The following RAPGEF6 variants were observed in gnomAD, a reference collection of about 807,000 sequenced individuals.
RAPGEF6 encodes Rap guanine nucleotide exchange factor 6.
A neutral mutation model predicts 171.4 loss-of-function variants in RAPGEF6; 56 were observed. That is an observed-to-expected ratio of 0.33 (90% CI 0.26 to 0.41). The LOEUF (loss-of-function observed/expected upper bound fraction) is 0.41, where lower values mean the gene tolerates loss of function less well. Among genes scored for constraint, RAPGEF6 ranks in the 10% least tolerant of loss-of-function variants. The pLI is 1.00. For missense variants in RAPGEF6, 1,674 were observed against 1,921.4 expected, an observed-to-expected ratio of 0.87 and a Z score of 2.41; for synonymous variants, 692 against 650.1, an observed-to-expected ratio of 1.06 and a Z score of -0.98.
chr5:131,492,571 TA>T lies in RAPGEF6; in HGVS notation c.1731+10del, dbSNP rs1044322144. The T allele has an allele frequency of 6.2e-7, 1 of 1,613,446 alleles. No homozygotes were observed. Among genetic ancestry groups the T allele is most frequent in the African/African-American group, 1.3e-5 (1 of 74,914 alleles). On this transcript the variant is annotated intron_variant, in intron 14 of 27. Transcript: ENST00000509018. ...GAAGGCTTGAATATAAGTGGTTGGT[TA>T]TTTCCTTACCTGATCACCACGTTTC...
intron 3 of RAPGEF6, among the ~76,000 whole-genome samples, chr5:131,593,088 T>C (rs976454315): frequency 1.3e-5 from 2 of 152,198 alleles, no homozygotes; most frequent in Admixed American, 6.5e-5. Flanking sequence ...ACAGAGTCAC[T>C]AGTAAACAGA....
At chr5:131,610,875 A>C (rs1318539135) in intron 1 of RAPGEF6, among the ~76,000 whole-genome samples, 1 of 152,198 alleles carries the variant, frequency 6.6e-6, no homozygotes, top group Non-Finnish European at 1.5e-5. Context: ...GTGGCCTTGA[A>C]AATATGCCTC....
chr5:131,547,512 T>A (rs76390079), intron 6 of RAPGEF6, among the ~76,000 whole-genome samples: 1 of 151,034 alleles, frequency 6.6e-6, no homozygotes, highest in Non-Finnish European at 1.5e-5. Context: ...AGCTTACTTT[T>A]TTTTTTTTTT....
intron 4 of RAPGEF6, among the ~76,000 whole-genome samples, chr5:131,589,331 T>C (rs989493935): frequency 1.3e-5 from 2 of 152,192 alleles, no homozygotes; most frequent in Admixed American, 6.5e-5. Flanking sequence ...GTATAAGATA[T>C]TGAAGGTAAA....
At position 131,429,012 on chromosome 5, in the gene RAPGEF6, T is replaced by C. The variant is rs147369850; in HGVS notation, c.4670A>G (p.Asn1557Ser). 170 of 1,614,058 alleles carry C rather than the reference T, an allele frequency of 1.1e-4. No individual in the cohort carries two copies. The highest frequency in any genetic ancestry group is 1.4e-4 in the Non-Finnish European group (161 of 1,180,024). Reference protein sequence around the residue: ...SRLPPASLSSNLVACVPSKIV... With the variant: ...SRLPPASLSSSLVACVPSKIV... ...CTTCGATGGAACACAGGCCACGAGGTTGCTACTGAGAGAAGCTGGTGGCAG... is the reference window on the plus strand; with the variant it reads ...CTTCGATGGAACACAGGCCACGAGGCTGCTACTGAGAGAAGCTGGTGGCAG... Residue 1557 changes from asparagine (N) to serine (S), a missense_variant, in exon 27 of 28, where the codon AAC (asparagine) becomes AGC (serine). Asn to Ser is a conservative substitution (Grantham distance 46). This residue lies in a region of RAPGEF6 where 552 missense variants were observed against 574.2 expected (regional missense o/e 0.96). Coordinates refer to ENST00000509018, the MANE Select transcript of RAPGEF6 (RefSeq NM_016340.6).
At chr5:131,514,541 T>TA (rs2149899701) in intron 7 of RAPGEF6, among the ~76,000 whole-genome samples, 1 of 152,204 alleles carries the variant, frequency 6.6e-6, no homozygotes, top group South Asian at 2.1e-4. Context: ...TCGATAATGA[T>TA]AGAGATAATG....
chr5:131,620,252 G>A (rs1323344728), intron 1 of RAPGEF6, among the ~76,000 whole-genome samples: 1 of 152,060 alleles, frequency 6.6e-6, no homozygotes, highest in Non-Finnish European at 1.5e-5. Context: ...CTACTGTTAG[G>A]AATACCTTCC....
At position 131,433,495 on chromosome 5, in the gene RAPGEF6, G is replaced by A. The variant is rs1450994869; in HGVS notation, c.3909C>T (p.Ser1303=). 2.5e-6 allele frequency: 4 copies of A among 1,613,922 alleles called. No individual in the cohort carries two copies. The highest frequency in any genetic ancestry group is 1.3e-5 in the African/African-American group (1 of 75,002). ...GCTCTGTCTTTTCCAATGCCCCAGT[G>A]GATTCAGGGACTGCCAGGGCCTGAG... is the stretch of plus-strand genomic sequence containing the variant. The part of the protein sequence containing the change: ...CSSQALAVPE[S]TGALEKTEHA... Residue 1303 remains serine (S), a synonymous_variant, in exon 25 of 28, where the codon TCC becomes TCT. Coordinates refer to ENST00000509018, the MANE Select transcript of RAPGEF6 (RefSeq NM_016340.6).
intron 3 of RAPGEF6, among the ~76,000 whole-genome samples, chr5:131,598,428 G>C (rs1764030650): frequency 6.6e-6 from 1 of 152,130 alleles, no homozygotes; most frequent in Non-Finnish European, 1.5e-5. Flanking sequence ...ATCGATGAAA[G>C]ATATCAAATC....
chr5:131,580,753 T>G (rs187538882), intron 4 of RAPGEF6, among the ~76,000 whole-genome samples: 1 of 152,316 alleles, frequency 6.6e-6, no homozygotes, highest in African/African-American at 2.4e-5. Flanking sequence ...CCTCTTGCAG[T>G]ACACCCTCTC....
intron 1 of RAPGEF6, among the ~76,000 whole-genome samples, chr5:131,633,917 T>C (rs760612985): frequency 6.6e-6 from 1 of 152,184 alleles, no homozygotes; most frequent in Non-Finnish European, 1.5e-5. Flanking sequence ...TATAAATGTA[T>C]ATCTCAAAAA....
chr5:131,544,315 C>G (rs548702994), intron 6 of RAPGEF6, among the ~76,000 whole-genome samples: 1 of 152,042 alleles, frequency 6.6e-6, no homozygotes, highest in African/African-American at 2.4e-5. Flanking sequence ...CATAAACAGG[C>G]AAACAGAAAC....
At chr5:131,582,911 A>G (rs1298310104) in intron 4 of RAPGEF6, among the ~76,000 whole-genome samples, 2 of 152,240 alleles carry the variant, frequency 1.3e-5, no homozygotes, top group Non-Finnish European at 2.9e-5. Context: ...CATCGACCAT[A>G]TAACTTATTG....
chr5:131,580,195 G>A (rs949808277), intron 4 of RAPGEF6, among the ~76,000 whole-genome samples: 8 of 152,208 alleles, frequency 5.3e-5, no homozygotes, highest in Non-Finnish European at 8.8e-5. Flanking sequence ...GGCAGCTGAG[G>A]CCTGGTGAGA....
intron 1 of RAPGEF6, among the ~76,000 whole-genome samples, chr5:131,631,382 C>T (rs1254417002): frequency 6.6e-6 from 1 of 152,232 alleles, no homozygotes; most frequent in Non-Finnish European, 1.5e-5. Flanking sequence ...AACTCCAACA[C>T]TCCAGTTATT....
intron 3 of RAPGEF6, among the ~76,000 whole-genome samples, chr5:131,596,358 T>C (rs1763904330): frequency 6.7e-6 from 1 of 148,890 alleles, no homozygotes. Flanking sequence ...AATCATTATA[T>C]AATATATATT....
At chr5:131,453,466 T>C (rs1385246924) in intron 20 of RAPGEF6, among the ~76,000 whole-genome samples, 1 of 152,022 alleles carries the variant, frequency 6.6e-6, no homozygotes, top group Non-Finnish European at 1.5e-5. Context: ...TGGCTCCCAC[T>C]TGTAATCCCA....
chr5:131,431,184 T>G lies in RAPGEF6; in HGVS notation c.4140A>C (p.Pro1380=). ...SSSHDNFQSL[P]NPKSWDFLNS... Reference sequence around the variant, plus strand: ...TCAAAAAATCCCAGCTTTTTGGGTTTGGAAGGCTTTGGAAGTTGTCATGGG... The same window carrying G: ...TCAAAAAATCCCAGCTTTTTGGGTTGGGAAGGCTTTGGAAGTTGTCATGGG... The change falls in exon 26 of 28, where the codon CCA becomes CCC. Residue 1380 remains proline, a synonymous_variant. Transcript: ENST00000509018. The G allele has an allele frequency of 6.2e-7, 1 of 1,614,236 alleles. No homozygotes were observed. Among genetic ancestry groups the G allele is most frequent in the Non-Finnish European group, 8.5e-7 (1 of 1,180,040 alleles).
chr5:131,436,142 GTC>G, intron 24 of RAPGEF6: 2 of 1,537,880 alleles, frequency 1.3e-6, no homozygotes, highest in Non-Finnish European at 1.7e-6. Flanking sequence ...CTGTTGACTA[GTC>G]TCTCCCTTGA....
Sources: allele counts gnomAD v4.1 joint callset (sites outside exome capture counted in the v4.1 genomes callset), GRCh38; gene constraint gnomAD v4.1.1; regional missense constraint gnomAD v4.1.1; transcripts MANE v1.5; gene names NCBI Gene and HGNC (gene_info 2026-07-23, HGNC 2026-07-21).